CCDC9: variants seen among roughly 807,000 people sequenced by gnomAD.
CCDC9 encodes the protein coiled-coil domain containing 9, also known as coiled-coil domain-containing protein 9.
Under a neutral mutation model 65.6 loss-of-function variants are expected in CCDC9, and 52 were observed. The ratio of observed to expected loss-of-function variants is 0.79; its 90% confidence interval spans 0.63 to 1.00. The LOEUF (loss-of-function observed/expected upper bound fraction) is 1.00, where lower values mean the gene tolerates loss of function less well. Ranked by LOEUF, CCDC9 falls within the 50% of genes least tolerant of loss-of-function variation. The pLI is 0.00. For missense variants in CCDC9, 834 were observed against 757.2 expected (o/e 1.10, Z -1.19); for synonymous variants, 332 against 280.3 (o/e 1.18, Z -1.84).
At chr19:47,273,281 C>T (rs2123491474), downstream of CCDC9, 2 of 847,376 alleles carry the variant, frequency 2.4e-6, no homozygotes, top group Non-Finnish European at 3.0e-6. Context: ...CGTGGCTAGA[C>T]GGGGGAGGGG....
rs375472882 is a variant in CCDC9 at position 47,271,259 on chromosome 19, C to G, written c.1192-15C>G. Reference sequence around the variant, plus strand: ...AGGACCTGTGCCTTGCCCTGACTTGCCTGTGTCCCCAAAGCCACCCGAGAT... The same window carrying G: ...AGGACCTGTGCCTTGCCCTGACTTGGCTGTGTCCCCAAAGCCACCCGAGAT... On this transcript the variant is annotated splice_polypyrimidine_tract_variant and intron_variant, in intron 11 of 11. Coordinates refer to ENST00000221922, the MANE Select transcript of CCDC9 (RefSeq NM_015603.3). The G allele has an allele frequency of 2.5e-6, 4 of 1,611,242 alleles. No individual in the cohort carries two copies. Among genetic ancestry groups the G allele is most frequent in the Non-Finnish European group, 3.4e-6 (4 of 1,178,448 alleles).
chr19:47,264,375 C>T (rs1357732654), intron 5 of CCDC9, among the ~76,000 whole-genome samples: 6 of 152,144 alleles, frequency 3.9e-5, no homozygotes. Flanking sequence ...TCCAGACCCC[C>T]CAGTAGGAAG....
intron 10 of CCDC9, 75 bp downstream of exon 10, chr19:47,270,763 A>G (rs1428497461): frequency 3.4e-6 from 5 of 1,457,336 alleles, no homozygotes; most frequent in Non-Finnish European, 3.7e-6. Context: ...GCTTGCTGTG[A>G]AGGTGTGGGT....
intron 4 of CCDC9, 65 bp downstream of exon 4, chr19:47,260,487 C>T: frequency 6.2e-7 from 1 of 1,601,470 alleles, no homozygotes; most frequent in South Asian, 1.1e-5. Flanking sequence ...AGGCCTGGGA[C>T]CCAGGAGCCC....
chr19:47,273,952 C>T (rs926639614), downstream of CCDC9: 17 of 981,268 alleles, frequency 1.7e-5, no homozygotes, highest in East Asian at 1.1e-4. Flanking sequence ...CGTCTTCCCT[C>T]CCCCCTCCCG....
At chr19:47,275,320 A>C, downstream of CCDC9, 1 of 1,546,002 alleles carries the variant, frequency 6.5e-7, no homozygotes, top group Non-Finnish European at 8.7e-7. Context: ...GAGACGCCAG[A>C]GGCCGCGGAG....
Position 47,260,724 on chromosome 19 carries a change from C to T in CCDC9, c.347C>T (p.Pro116Leu). 6.3e-7 allele frequency: 1 copy of T among 1,593,544 alleles called. No homozygotes were observed. The highest frequency in any genetic ancestry group is 8.5e-7 in the Non-Finnish European group (1 of 1,171,918). Residue 116 changes from proline (P) to leucine (L), a missense_variant, in exon 5 of 12, where the codon CCC becomes CTC. By Grantham distance (98) the Pro-to-Leu change is moderately conservative (BLOSUM62 -3). Coordinates refer to ENST00000221922, the MANE Select transcript of CCDC9 (RefSeq NM_015603.3). Reference protein sequence around the residue: ...GRASRSWEGSPGEQPRGGGAG... With the variant: ...GRASRSWEGSLGEQPRGGGAG... ...GCATCGCGCAGCTGGGAGGGCAGCC[C>T]CGGGGAGCAGCCTCGAGGAGGAGGA...
chr19:47,271,431 A>C lies in CCDC9; in HGVS notation c.1349A>C (p.His450Pro). The change falls in exon 12 of 12, where the codon CAC becomes CCC. Residue 450 changes from histidine (H) to proline (P), a missense_variant. Transcript: ENST00000221922. Reference protein sequence around the residue: ...EGDEEEPAQDHQAPEAAPTGI... With the variant: ...EGDEEEPAQDPQAPEAAPTGI... ...GATGAGGAGGAACCAGCCCAAGACCACCAAGCCCCAGAGGCTGCCCCCACC... is the reference window on the plus strand; with the variant it reads ...GATGAGGAGGAACCAGCCCAAGACCCCCAAGCCCCAGAGGCTGCCCCCACC... The C allele has an allele frequency of 3.7e-6, 6 of 1,613,850 alleles. No individual in the cohort carries two copies. Among genetic ancestry groups the C allele is most frequent in the Non-Finnish European group, 5.1e-6 (6 of 1,179,950 alleles).
At position 47,271,427 on chromosome 19, in the gene CCDC9, GACC is replaced by G. The variant is rs772075646; in HGVS notation, c.1350_1352del (p.His450del). On this transcript the variant is annotated inframe_deletion, in exon 12 of 12. Coordinates refer to ENST00000221922, the MANE Select transcript of CCDC9 (RefSeq NM_015603.3). The stretch of plus-strand genomic sequence containing the variant: ...AGGTGATGAGGAGGAACCAGCCCAA[GACC>G]ACCAAGCCCCAGAGGCTGCCCCCAC... 8.7e-6 allele frequency: 14 copies of G among 1,613,848 alleles called. No individual in the cohort carries two copies. The Admixed American group carries it at 2.0e-4, about 23-fold the overall frequency.
At chr19:47,259,637 C>G (rs1280373490) in intron 3 of CCDC9, among the ~76,000 whole-genome samples, 2 of 152,150 alleles carry the variant, frequency 1.3e-5, no homozygotes, top group Non-Finnish European at 2.9e-5. Context: ...ATTCATTCTT[C>G]ATGTATTCAT....
rs772380182 is a variant in CCDC9 at position 47,260,793 on chromosome 19, A to G, written c.416A>G (p.His139Arg). The G allele has an allele frequency of 3.9e-5, 63 of 1,613,226 alleles. No individual in the cohort carries two copies. The East Asian group carries it at 8.9e-4, about 23-fold the overall frequency. Residue 139 changes from histidine to arginine, a missense_variant, in exon 5 of 12, where the codon CAC becomes CGC. Coordinates refer to ENST00000221922, the MANE Select transcript of CCDC9 (RefSeq NM_015603.3). ...AGGGGCCGGGGCCGAGGTTCACCTCACCTCTCTGGAGCTGGAGACACCTCA... is the reference window on the plus strand; with the variant it reads ...AGGGGCCGGGGCCGAGGTTCACCTCGCCTCTCTGGAGCTGGAGACACCTCA... ...GRRGRGRGSP[H>R]LSGAGDTSIS...
chr19:47,264,899 G>T lies in CCDC9; in HGVS notation c.673G>T (p.Gly225Cys), dbSNP rs2059070958. The T allele has an allele frequency of 1.4e-6, 2 of 1,470,404 alleles. No individual in the cohort carries two copies. Among genetic ancestry groups the T allele is most frequent in the African/African-American group, 1.4e-5 (1 of 71,062 alleles). The allele number at this position is 1,470,404 out of a possible 1,614,324, so 91.1% of individuals were successfully genotyped here. A position where few individuals can be genotyped will look rare whatever the true frequency, so the allele number is the denominator to read the frequency against. ...CCGCCGGCACGGCCGCAACTGGGGG[G>T]GCCCCGACTTCGAGCGGGTGCGCTG... The part of the protein sequence containing the change: ...ESRRHGRNWG[G>C]PDFERVRCGL... The change falls in exon 7 of 12, where the codon GGC (glycine) becomes TGC (cysteine). Residue 225 changes from glycine to cysteine, a missense_variant. Coordinates refer to ENST00000221922, the MANE Select transcript of CCDC9 (RefSeq NM_015603.3).
At chr19:47,275,001 C>G, downstream of CCDC9, 1 of 1,474,382 alleles carries the variant, frequency 6.8e-7, no homozygotes, top group Non-Finnish European at 9.0e-7. Context: ...GGGGCGCTGG[C>G]TGCGCTTGGC....
chr19:47,272,044 C>T (rs1466226913), downstream of CCDC9: 12 of 1,237,870 alleles, frequency 9.7e-6, no homozygotes, highest in East Asian at 3.8e-4. Context: ...GGAAAGGGGG[C>T]TTGACTGGGG....
chr19:47,258,541 A>G lies in CCDC9; in HGVS notation c.4-18A>G. ...TGGAGGTTTTTCCTTCCATCCCTCA[A>G]CTGCCTCCCGGTCTCAGGCAGCCAC... On this transcript the variant is annotated intron_variant, in intron 2 of 11. Coordinates refer to ENST00000221922, the MANE Select transcript of CCDC9 (RefSeq NM_015603.3). 1.2e-6 allele frequency: 2 copies of G among 1,610,720 alleles called. No individual in the cohort carries two copies. The highest frequency in any genetic ancestry group is 1.7e-6 in the Non-Finnish European group (2 of 1,176,968).
At position 47,271,180 on chromosome 19, in the gene CCDC9, C is replaced by G. The variant is rs140781923; in HGVS notation, c.1184C>G (p.Pro395Arg). ...TSPETSPKET[P>R]MQPPEIPAPA... ...CCCGAGACTTCCCCCAAGGAGACACCCATGCAGGTGAGGCTGGGCTGTGGT... is the reference window on the plus strand; with the variant it reads ...CCCGAGACTTCCCCCAAGGAGACACGCATGCAGGTGAGGCTGGGCTGTGGT... The change falls in exon 11 of 12, where the codon CCC (proline) becomes CGC (arginine). Residue 395 changes from proline to arginine, a missense_variant. Coordinates refer to ENST00000221922, the MANE Select transcript of CCDC9 (RefSeq NM_015603.3). 3.1e-3 allele frequency: 4,953 copies of G among 1,602,022 alleles called. 19 individuals carry two copies. The highest frequency in any genetic ancestry group is 3.9e-3 in the South Asian group (346 of 89,292).
intron 3 of CCDC9, among the ~76,000 whole-genome samples, chr19:47,260,091 C>G (rs986059014): frequency 6.6e-6 from 1 of 152,152 alleles, no homozygotes; most frequent in Non-Finnish European, 1.5e-5. Flanking sequence ...AGGCCAGACC[C>G]CACGGGTCCC....
At chr19:47,273,525 C>G (rs866208053), downstream of CCDC9, 2 of 495,920 alleles carry the variant, frequency 4.0e-6, no homozygotes, top group South Asian at 1.0e-4. Flanking sequence ...CTCCTCTGTC[C>G]TCTGCTTCTG....
Position 47,271,551 on chromosome 19 carries a change from T to C in CCDC9, c.1469T>C (p.Phe490Ser). The stretch of plus-strand genomic sequence containing the variant: ...GCCCCTGGCACGCCTTCCAGCCCTT[T>C]CTCACCACCCAGCGGCCACCAGCCT... ...PQAPGTPSSP[F>S]SPPSGHQPVS... Residue 490 changes from phenylalanine to serine, a missense_variant, in exon 12 of 12, where the codon TTC (phenylalanine) becomes TCC (serine). Transcript: ENST00000221922. The C allele has an allele frequency of 1.2e-6, 2 of 1,613,092 alleles. No homozygotes were observed. Among genetic ancestry groups the C allele is most frequent in the South Asian group, 2.2e-5 (2 of 91,036 alleles).
Sources: gnomAD v4.1 joint callset for allele counts (sites outside exome capture counted in the v4.1 genomes callset) on GRCh38, gnomAD v4.1.1 for gene constraint, MANE v1.5 for transcripts, NCBI Gene and HGNC (gene_info 2026-07-23, HGNC 2026-07-21) for gene names.